The following IL15 variants were observed in gnomAD, a reference collection of about 807,000 sequenced individuals.
The protein encoded by IL15 is interleukin-15.
IL15 carries 11 observed loss-of-function variants against 19.6 expected under a neutral mutation model. That is an observed-to-expected ratio of 0.56 (90% CI 0.35 to 0.93). The LOEUF (loss-of-function observed/expected upper bound fraction) is 0.93, where lower values mean the gene tolerates loss of function less well. Among genes scored for constraint, IL15 ranks in the 40% least tolerant of loss-of-function variants. IL15 has a pLI of 0.01. For missense variants in IL15, 197 were observed against 186.5 expected (o/e 1.06, Z -0.33); for synonymous variants, 58 against 59.6 (o/e 0.97, Z 0.12).
At chr4:141,709,845 T>G (rs1388858152) in intron 2 of IL15, among the ~76,000 whole-genome samples, 1 of 152,062 alleles carries the variant, frequency 6.6e-6, no homozygotes, top group African/African-American at 2.4e-5. Context: ...TTGCTGAGGT[T>G]TGGTGTATGA....
intron 2 of IL15, among the ~76,000 whole-genome samples, chr4:141,710,042 A>G (rs867529209): frequency 5.1e-4 from 78 of 152,294 alleles, no homozygotes; most frequent in African/African-American, 1.8e-3. Flanking sequence ...GCCTATGATA[A>G]TGGCTTCCAG....
intron 1 of IL15, among the ~76,000 whole-genome samples, chr4:141,637,841 G>T (rs894903498): frequency 6.6e-6 from 1 of 152,154 alleles, no homozygotes. Context: ...TCCTTATCTT[G>T]TCAGTGTGGT....
At chr4:141,662,856 C>T (rs1459638461) in intron 2 of IL15, among the ~76,000 whole-genome samples, 3 of 151,942 alleles carry the variant, frequency 2.0e-5, no homozygotes, top group Admixed American at 6.6e-5. Flanking sequence ...GATTTAAACC[C>T]TTAAAGAAGA....
chr4:141,700,906 T>G (rs1729272749), intron 2 of IL15, among the ~76,000 whole-genome samples: 1 of 152,200 alleles, frequency 6.6e-6, no homozygotes, highest in Non-Finnish European at 1.5e-5. Context: ...TTTGTTCTAG[T>G]CTATTGTTGA....
At chr4:141,697,739 A>T (rs1354800450) in intron 2 of IL15, among the ~76,000 whole-genome samples, 2 of 151,748 alleles carry the variant, frequency 1.3e-5, no homozygotes, top group African/African-American at 4.8e-5. Flanking sequence ...TTAGTTAGGT[A>T]TATTCCTTTA....
At chr4:141,647,289 A>G (rs1402000899) in intron 1 of IL15, among the ~76,000 whole-genome samples, 3 of 152,096 alleles carry the variant, frequency 2.0e-5, no homozygotes, top group African/African-American at 7.2e-5. Flanking sequence ...ATTACAGCTA[A>G]CACATGGGGC....
At chr4:141,669,253 C>G (rs564570255) in intron 2 of IL15, among the ~76,000 whole-genome samples, 18 of 152,126 alleles carry the variant, frequency 1.2e-4, no homozygotes, top group African/African-American at 4.3e-4. Flanking sequence ...AATGCAGGTG[C>G]CTAATTAAGT....
At chr4:141,671,832 G>T (rs1728186423) in intron 2 of IL15, among the ~76,000 whole-genome samples, 1 of 152,190 alleles carries the variant, frequency 6.6e-6, no homozygotes, top group Non-Finnish European at 1.5e-5. Context: ...GATTTAAGGG[G>T]AGGGAAGAGA....
intron 5 of IL15, among the ~76,000 whole-genome samples, chr4:141,725,363 A>G (rs1730222744): frequency 6.6e-6 from 1 of 152,178 alleles, no homozygotes; most frequent in Non-Finnish European, 1.5e-5. Context: ...TCCTACTGCA[A>G]TATGACTGGT....
intron 1 of IL15, among the ~76,000 whole-genome samples, chr4:141,641,360 CA>C: frequency 6.6e-6 from 1 of 152,018 alleles, no homozygotes; most frequent in East Asian, 1.9e-4. Context: ...CATATATACC[CA>C]AAGGATTATA....
chr4:141,721,099 A>G (rs1333799036), intron 4 of IL15: 3 of 1,497,474 alleles, frequency 2.0e-6, no homozygotes, highest in South Asian at 1.2e-5. Flanking sequence ...CACCTAACCT[A>G]TAGTTATATA....
intron 2 of IL15, among the ~76,000 whole-genome samples, chr4:141,686,516 C>T (rs925364532): frequency 1.3e-5 from 2 of 152,118 alleles, no homozygotes; most frequent in African/African-American, 2.4e-5. Context: ...TCACCTTTGA[C>T]GAGTTCCTTA....
At chr4:141,731,259 G>A (rs1054750744) in intron 7 of IL15, among the ~76,000 whole-genome samples, 2 of 152,020 alleles carry the variant, frequency 1.3e-5, no homozygotes, top group Non-Finnish European at 2.9e-5. Context: ...CCCCTTCTCT[G>A]CGTGTCCCAT....
chr4:141,655,223 C>G (rs888454595), intron 1 of IL15, among the ~76,000 whole-genome samples: 1 of 152,002 alleles, frequency 6.6e-6, no homozygotes, highest in South Asian at 2.1e-4. Context: ...ATGGGCCTCT[C>G]TTAAGTGTGC....
At chr4:141,683,227 C>T (rs913007336) in intron 2 of IL15, among the ~76,000 whole-genome samples, 3 of 151,678 alleles carry the variant, frequency 2.0e-5, no homozygotes, top group Non-Finnish European at 4.4e-5. Context: ...CAAGATCATG[C>T]CACTGCACTC....
intron 2 of IL15, among the ~76,000 whole-genome samples, chr4:141,676,626 TGTC>T (rs761077678): frequency 6.6e-6 from 1 of 152,120 alleles, no homozygotes; most frequent in Non-Finnish European, 1.5e-5. Context: ...CAATTGAAAA[TGTC>T]GTTGTTATTG....
intron 2 of IL15, among the ~76,000 whole-genome samples, chr4:141,706,760 G>C (rs1729530134): frequency 6.6e-6 from 1 of 151,146 alleles, no homozygotes; most frequent in South Asian, 2.1e-4. Context: ...TTCTCTCCTA[G>C]TCTGCTGAAA....
chr4:141,650,356 T>A (rs1727363608), intron 1 of IL15, among the ~76,000 whole-genome samples: 1 of 152,122 alleles, frequency 6.6e-6, no homozygotes, highest in Non-Finnish European at 1.5e-5. Context: ...AAAAAATCCC[T>A]CAATGTCTAC....
intron 2 of IL15, among the ~76,000 whole-genome samples, chr4:141,658,660 C>T (rs1727685783): frequency 6.6e-6 from 1 of 151,024 alleles, no homozygotes; most frequent in African/African-American, 2.4e-5. Flanking sequence ...AAGTAAAGGA[C>T]TTTAAGGAAA....
Sources: gnomAD v4.1 joint callset for allele counts (sites outside exome capture counted in the v4.1 genomes callset) on GRCh38, gnomAD v4.1.1 for gene constraint, MANE v1.5 for transcripts, NCBI Gene and HGNC (gene_info 2026-07-23, HGNC 2026-07-21) for gene names.